Variants in UGT1A4 observed in about 807,000 individuals in gnomAD.
The protein encoded by UGT1A4 is UDP-glucuronosyltransferase 1A4.
In UGT1A4, 32 loss-of-function variants were observed where a neutral mutation model predicts 41.1. The observed-to-expected ratio is 0.78, with a 90% CI of 0.59 to 1.05. The LOEUF (loss-of-function observed/expected upper bound fraction) is 1.05. UGT1A4 is among the 50% of genes least tolerant of loss of function. The probability of loss-of-function intolerance (pLI) is 0.00; values close to 1 mark genes in which losing one functional copy is unlikely to be tolerated. For missense variants in UGT1A4, 748 were observed against 677.4 expected, an observed-to-expected ratio of 1.10 and a Z score of -1.16; for synonymous variants, 283 against 265.1, an observed-to-expected ratio of 1.07 and a Z score of -0.66.
chr2:233,724,360 G>C (rs1455285943), intron 1 of UGT1A4, among the ~76,000 whole-genome samples: 3 of 146,586 alleles, frequency 2.0e-5, no homozygotes, highest in Admixed American at 6.8e-5. Context: ...CCTCCCTCCC[G>C]GACGGGGTGG....
At chr2:233,741,008 GC>G (rs1212205801) in intron 1 of UGT1A4, 3 of 151,722 alleles carry the variant, frequency 2.0e-5, no homozygotes, top group Admixed American at 6.6e-5. Flanking sequence ...GATCACTTGA[GC>G]CCAGGAATTC....
chr2:233,744,136 G>A, intron 1 of UGT1A4: 1 of 352,326 alleles, frequency 2.8e-6, no homozygotes, highest in Non-Finnish European at 5.4e-6. Flanking sequence ...GTGAGGCCCT[G>A]TGATGCTCCA....
intron 1 of UGT1A4, among the ~76,000 whole-genome samples, chr2:233,742,134 C>G (rs1691883024): frequency 6.6e-6 from 1 of 151,870 alleles, no homozygotes; most frequent in African/African-American, 2.4e-5. Flanking sequence ...AGACCCTAAC[C>G]CAGCAGCGCT....
rs1329829423 is a variant in UGT1A4 at position 233,719,080 on chromosome 2, A to T, written c.260A>T (p.Lys87Met). Residue 87 changes from lysine to methionine, a missense_variant, in exon 1 of 5, where the codon AAG becomes ATG. Coordinates refer to ENST00000373409, the MANE Select transcript of UGT1A4 (RefSeq NM_007120.3). ...LTAYAVPWTQ[K>M]EFDRVTLGYT... Reference sequence around the variant, plus strand: ...GCCTATGCTGTTCCATGGACCCAGAAGGAATTTGATCGCGTTACGCTGGGC... The same window carrying T: ...GCCTATGCTGTTCCATGGACCCAGATGGAATTTGATCGCGTTACGCTGGGC... The T allele has an allele frequency of 6.2e-7, 1 of 1,614,142 alleles. No homozygotes were observed. Among genetic ancestry groups the T allele is most frequent in the East Asian group, 2.2e-5 (1 of 44,900 alleles).
rs1696612775 is a variant in UGT1A4 at position 233,757,546 on chromosome 2, A to ATACATATATATATC, written c.868-9486_868-9485insCATATATATATCTA. The stretch of plus-strand genomic sequence containing the variant: ...TCTTGCCTGTAAGGAATATATATAT[A>ATACATATATATATC]TATATATATATATATGTATATATGA... On this transcript the variant is annotated intron_variant, in intron 1 of 4. Transcript: ENST00000373409. Among the ~76,000 whole-genome samples the ATACATATATATATC allele has an allele frequency of 1.6e-5, 2 of 123,536 alleles. 1 individual carries two copies. The highest frequency in any genetic ancestry group is 3.5e-5 in the Non-Finnish European group (2 of 57,034). 81.0% of individuals were successfully genotyped at this position (123,536 alleles called of 152,430 possible).
At chr2:233,751,162 T>C (rs1694655523) in intron 1 of UGT1A4, among the ~76,000 whole-genome samples, 1 of 151,980 alleles carries the variant, frequency 6.6e-6, no homozygotes, top group South Asian at 2.1e-4. Flanking sequence ...GGCATCAGCA[T>C]GACCTAGATA....
chr2:233,742,039 T>C (rs553186051), intron 1 of UGT1A4: 6 of 152,044 alleles, frequency 3.9e-5, no homozygotes, highest in African/African-American at 1.5e-4. Context: ...GTCCCAAGCA[T>C]AGCAATAGGA....
intron 1 of UGT1A4, among the ~76,000 whole-genome samples, chr2:233,749,072 C>A (rs570371111): frequency 6.6e-6 from 1 of 151,796 alleles, no homozygotes; most frequent in East Asian, 1.9e-4. Flanking sequence ...GTTTCTTATT[C>A]CTTGGTGTGC....
At chr2:233,732,709 C>G (rs540969589) in intron 1 of UGT1A4, among the ~76,000 whole-genome samples, 1 of 150,878 alleles carries the variant, frequency 6.6e-6, no homozygotes, top group African/African-American at 2.4e-5. Context: ...GTTACTGTAG[C>G]CTTGTAGTAC....
chr2:233,763,751 G>A (rs758447394), intron 1 of UGT1A4, among the ~76,000 whole-genome samples: 3 of 152,212 alleles, frequency 2.0e-5, no homozygotes, highest in Non-Finnish European at 4.4e-5. Flanking sequence ...TCTTTGGTGT[G>A]TCTGAAGGAA....
At chr2:233,757,576 G>A (rs1017226223) in intron 1 of UGT1A4, among the ~76,000 whole-genome samples, 2 of 82,708 alleles carry the variant, frequency 2.4e-5, no homozygotes, top group African/African-American at 1.1e-4. Flanking sequence ...ATATGATATA[G>A]CTATAGTCTA....
intron 1 of UGT1A4, chr2:233,755,248 G>T: frequency 2.4e-6 from 2 of 834,922 alleles, no homozygotes; most frequent in Non-Finnish European, 3.6e-6. Flanking sequence ...GGTACTCCCA[G>T]CACCTCGTAG....
At position 233,740,170 on chromosome 2, in the gene UGT1A4, T is replaced by C. The variant is rs191572005; in HGVS notation, c.867+20483T>C. ...TGAGGCCTCCCCAGTCATGTGGAAC[T>C]GTGAGTCAATTAAACCTCTTTCTTT... On this transcript the variant is annotated intron_variant, in intron 1 of 4. Transcript: ENST00000373409. Among the ~76,000 whole-genome samples the C allele has an allele frequency of 5.3e-5, 8 of 151,994 alleles. No individual in the cohort carries two copies. The East Asian group carries it at 1.5e-3, about 29-fold the overall frequency.
intron 4 of UGT1A4, among the ~76,000 whole-genome samples, chr2:233,771,932 C>G (rs909817739): frequency 6.6e-6 from 1 of 152,046 alleles, no homozygotes; most frequent in African/African-American, 2.4e-5. Context: ...CTGGGCAACA[C>G]AATAAGACCT....
intron 1 of UGT1A4, among the ~76,000 whole-genome samples, chr2:233,762,341 A>C (rs1325926558): frequency 6.6e-6 from 1 of 152,206 alleles, no homozygotes; most frequent in Non-Finnish European, 1.5e-5. Flanking sequence ...AGCTCTTTTT[A>C]GTTCTTTGTA....
At chr2:233,748,877 GAAT>G (rs1390549231) in intron 1 of UGT1A4, among the ~76,000 whole-genome samples, 4 of 151,560 alleles carry the variant, frequency 2.6e-5, no homozygotes, top group Non-Finnish European at 4.4e-5. Flanking sequence ...GGACGGTGAT[GAAT>G]GGACATGTGT....
intron 1 of UGT1A4, among the ~76,000 whole-genome samples, chr2:233,757,900 G>A (rs1226953924): frequency 6.6e-6 from 1 of 152,060 alleles, no homozygotes; most frequent in African/African-American, 2.4e-5. Flanking sequence ...CACTTTCCAT[G>A]GACGTGTCAC....
In UGT1A4 at chr2:233,772,448, C is replaced by A; in HGVS notation, c.1494C>A (p.Ala498=). ...TGGACGTGATTGGTTTCCTCTTGGC[C>A]GTCGTGCTGACAGTGGCCTTCATCA... The part of the protein sequence containing the change: ...HSLDVIGFLL[A]VVLTVAFITF... Residue 498 remains alanine (A), a synonymous_variant, in exon 5 of 5, where the codon GCC becomes GCA. Coordinates refer to ENST00000373409, the MANE Select transcript of UGT1A4 (RefSeq NM_007120.3). 6.2e-7 allele frequency: 1 copy of A among 1,614,180 alleles called. No individual in the cohort carries two copies. The highest frequency in any genetic ancestry group is 8.5e-7 in the Non-Finnish European group (1 of 1,180,038).
At position 233,718,978 on chromosome 2, in the gene UGT1A4, C is replaced by A. The variant is rs200639166; in HGVS notation, c.158C>A (p.Ala53Asp). The change falls in exon 1 of 5, where the codon GCC becomes GAC. Residue 53 changes from alanine to aspartate, a missense_variant. Transcript: ENST00000373409. ...CGGGAGGCCTTGCGGGAGCTCCATG[C>A]CAGAGGCCACCAGGCGGTGGTCCTC... ...SMREALRELH[A>D]RGHQAVVLTP... 6.2e-7 allele frequency: 1 copy of A among 1,614,096 alleles called. No homozygotes were observed. Among genetic ancestry groups the A allele is most frequent in the Non-Finnish European group, 8.5e-7 (1 of 1,180,056 alleles).
Sources: allele counts gnomAD v4.1 joint callset (sites outside exome capture counted in the v4.1 genomes callset), GRCh38; gene constraint gnomAD v4.1.1; transcripts MANE v1.5; gene names NCBI Gene and HGNC (gene_info 2026-07-23, HGNC 2026-07-21).